PIEZO2: variants seen among roughly 807,000 people sequenced by gnomAD.
PIEZO2 encodes piezo-type mechanosensitive ion channel component 2.
PIEZO2 carries 172 observed loss-of-function variants against 337.3 expected under a neutral mutation model. The observed-to-expected ratio is 0.51, with a 90% CI of 0.45 to 0.58. PIEZO2 has a LOEUF of 0.58. PIEZO2 is among the 20% of genes least tolerant of loss of function. The pLI is 0.00. For missense variants in PIEZO2, 3,028 were observed against 3,391.3 expected, an observed-to-expected ratio of 0.89 and a Z score of 2.66; for synonymous variants, 1,251 against 1,228.5, an observed-to-expected ratio of 1.02 and a Z score of -0.38.
At chr18:10,806,301 C>A (rs985884950) in intron 8 of PIEZO2, among the ~76,000 whole-genome samples, 41 of 152,300 alleles carry the variant, frequency 2.7e-4, no homozygotes, top group South Asian at 1.9e-3. Context: ...GTCTACACAG[C>A]TTGTCTCCTT....
intron 27 of PIEZO2, among the ~76,000 whole-genome samples, chr18:10,755,254 G>A (rs189636438): frequency 1.3e-5 from 2 of 152,218 alleles, no homozygotes; most frequent in Admixed American, 6.5e-5. Context: ...GGGGTCGGCT[G>A]GCTTGGGTAC....
chr18:11,103,901 C>T (rs1011888565), intron 1 of PIEZO2, among the ~76,000 whole-genome samples: 1 of 152,034 alleles, frequency 6.6e-6, no homozygotes, highest in Admixed American at 6.6e-5. Context: ...TCTCGGCTCA[C>T]TGCAACCTCA....
intron 7 of PIEZO2, among the ~76,000 whole-genome samples, chr18:10,814,125 G>A (rs2040284882): frequency 1.3e-5 from 2 of 151,608 alleles, no homozygotes; most frequent in Non-Finnish European, 2.9e-5. Flanking sequence ...CCACCACCAC[G>A]CCCAGCTAAT....
chr18:11,091,336 A>G (rs1466966357), intron 1 of PIEZO2, among the ~76,000 whole-genome samples: 2 of 149,506 alleles, frequency 1.3e-5, no homozygotes, highest in Non-Finnish European at 3.0e-5. Context: ...GTGAGTCCAG[A>G]TGGTGACAGA....
Position 10,877,925 on chromosome 18 carries a change from G to A in PIEZO2, c.330-6510C>T, listed in dbSNP as rs1352911302. ...CATACTGAATGCACGTACCCAGAAC[G>A]CGCCAGTGTTTTCCCTCTGAGCAAG... On this transcript the variant is annotated intron_variant, in intron 4 of 55. Coordinates refer to ENST00000674853, the MANE Select transcript of PIEZO2 (RefSeq NM_001378183.1). The surrounding 1 kb of genome is among the most constrained non-coding windows in gnomAD (Gnocchi z 5.3). Among the ~76,000 whole-genome samples, 1 of 151,938 alleles carries A rather than the reference G, an allele frequency of 6.6e-6. No individual in the cohort carries two copies. The highest frequency in any genetic ancestry group is 2.4e-5 in the African/African-American group (1 of 41,336).
At chr18:10,811,827 T>C (rs2040199558) in intron 7 of PIEZO2, among the ~76,000 whole-genome samples, 1 of 152,250 alleles carries the variant, frequency 6.6e-6, no homozygotes, top group Non-Finnish European at 1.5e-5. Context: ...CTAGTTGTTG[T>C]TGTTTTTTTC....
chr18:10,719,180 A>G (rs2036151220), intron 36 of PIEZO2, among the ~76,000 whole-genome samples: 1 of 152,166 alleles, frequency 6.6e-6, no homozygotes, highest in Non-Finnish European at 1.5e-5. Context: ...TGTAAGATAA[A>G]CAAGAAATTT....
At chr18:10,840,039 AT>A (rs1461285871) in intron 7 of PIEZO2, among the ~76,000 whole-genome samples, 1 of 152,234 alleles carries the variant, frequency 6.6e-6, no homozygotes, top group African/African-American at 2.4e-5. Flanking sequence ...TTCATGAAAT[AT>A]AGCTATAACT....
chr18:10,868,540 C>T (rs1257264965), intron 5 of PIEZO2, among the ~76,000 whole-genome samples: 1 of 152,094 alleles, frequency 6.6e-6, no homozygotes, highest in Non-Finnish European at 1.5e-5. Flanking sequence ...TAGCCCCAAA[C>T]AAATGTAACT....
intron 27 of PIEZO2, among the ~76,000 whole-genome samples, chr18:10,757,085 G>A (rs1346743240): frequency 6.6e-6 from 1 of 151,304 alleles, no homozygotes; most frequent in East Asian, 2.0e-4. Flanking sequence ...AGATGAGGAG[G>A]AGGAATGGAG....
In PIEZO2 at chr18:10,821,724, G is replaced by T. The variant is rs758233397; in HGVS notation, c.918-14450C>A. ...GATTCTACCCACAGCACCATCCTGC[G>T]CCCTCCCTGTCTCTCACCATTTACA... On this transcript the variant is annotated intron_variant, in intron 7 of 55. Coordinates refer to ENST00000674853, the MANE Select transcript of PIEZO2 (RefSeq NM_001378183.1). The surrounding 1 kb of genome is among the most constrained non-coding windows in gnomAD (Gnocchi z 4.2). 6.6e-6 allele frequency among the ~76,000 whole-genome samples: 1 copy of T among 151,930 alleles called. No individual in the cohort carries two copies. Among genetic ancestry groups the T allele is most frequent in the Non-Finnish European group, 1.5e-5 (1 of 67,978 alleles).
intron 1 of PIEZO2, among the ~76,000 whole-genome samples, chr18:11,100,286 A>T (rs1015496165): frequency 6.6e-6 from 1 of 152,206 alleles, no homozygotes; most frequent in African/African-American, 2.4e-5. Flanking sequence ...TCTCTTGCTA[A>T]AATAATTGAT....
At position 10,870,390 on chromosome 18, in the gene PIEZO2, CA is replaced by C. The variant is rs1442377151; in HGVS notation, c.492+862del. On this transcript the variant is annotated intron_variant, in intron 5 of 55. Coordinates refer to ENST00000674853, the MANE Select transcript of PIEZO2 (RefSeq NM_001378183.1). This position sits in a 1 kb window ranked among gnomAD's most constrained non-coding sequence, Gnocchi z 5.3. ...CAGTTTTATAAGTGTAATATCTTGC[CA>C]AAGCTTATGACTGAAAACATTTAGT... Among the ~76,000 whole-genome samples, 12 of 151,614 alleles carry C rather than the reference CA, an allele frequency of 7.9e-5. No homozygotes were observed. Among genetic ancestry groups the C allele is most frequent in the African/African-American group, 2.9e-4 (12 of 41,356 alleles).
At chr18:10,984,552 A>C (rs2034794379) in intron 2 of PIEZO2, among the ~76,000 whole-genome samples, 3 of 152,064 alleles carry the variant, frequency 2.0e-5, no homozygotes, top group African/African-American at 2.4e-5. Flanking sequence ...CAAGCACACA[A>C]AAAAATAATA....
At position 11,094,787 on chromosome 18, in the gene PIEZO2, T is replaced by A. The variant is rs999845815; in HGVS notation, c.65-28565A>T. On this transcript the variant is annotated intron_variant, in intron 1 of 55. Coordinates refer to ENST00000674853, the MANE Select transcript of PIEZO2 (RefSeq NM_001378183.1). This position sits in a 1 kb window ranked among gnomAD's most constrained non-coding sequence, Gnocchi z 4.4. The stretch of plus-strand genomic sequence containing the variant: ...TCTTTAAACATTGCTTGGGATCATT[T>A]TCCAGTTCTCATAAAAATGTCTCTC... 6.6e-6 allele frequency among the ~76,000 whole-genome samples: 1 copy of A among 152,256 alleles called. No homozygotes were observed. The highest frequency in any genetic ancestry group is 6.5e-5 in the Admixed American group (1 of 15,284).
chr18:10,814,170 T>A (rs549899509), intron 7 of PIEZO2, among the ~76,000 whole-genome samples: 1 of 151,884 alleles, frequency 6.6e-6, no homozygotes, highest in East Asian at 1.9e-4. Flanking sequence ...AGGGTTTCAC[T>A]GTGTTAGCCA....
rs1015499181 is a variant in PIEZO2 at position 10,724,919 on chromosome 18, C to T, written c.5029+6488G>A. The T allele has an allele frequency of 1.8e-5, 29 of 1,607,808 alleles. No individual in the cohort carries two copies. The highest frequency in any genetic ancestry group is 5.0e-5 in the Admixed American group (3 of 59,710). On this transcript the variant is annotated intron_variant, in intron 36 of 55. Transcript: ENST00000674853. The surrounding 1 kb of genome is among the most constrained non-coding windows in gnomAD (Gnocchi z 5.8). ...GGGCGTGGCACCCTGGGACAGCCTC[C>T]ACCTGGACGGCGATGGAACCCAGGT...
intron 15 of PIEZO2, among the ~76,000 whole-genome samples, chr18:10,788,323 A>C (rs1415635026): frequency 6.6e-6 from 1 of 151,684 alleles, no homozygotes; most frequent in Non-Finnish European, 1.5e-5. Context: ...AATTCCTTGA[A>C]ACTGGGAGGC....
chr18:10,786,830 C>A (rs2039240458), intron 16 of PIEZO2, among the ~76,000 whole-genome samples: 1 of 151,896 alleles, frequency 6.6e-6, no homozygotes, highest in Non-Finnish European at 1.5e-5. Context: ...CATTAAAATT[C>A]TGAAAATTCA....
Sources: allele counts gnomAD v4.1 joint callset (sites outside exome capture counted in the v4.1 genomes callset), GRCh38; gene constraint gnomAD v4.1.1; non-coding constraint Gnocchi (gnomAD v3.1); transcripts MANE v1.5; gene names NCBI Gene and HGNC (gene_info 2026-07-23, HGNC 2026-07-21).